MGA: variants seen among roughly 807,000 people sequenced by gnomAD.
MGA encodes the protein MAX dimerization protein MGA.
MGA carries 40 observed loss-of-function variants against 261.1 expected under a neutral mutation model. The ratio of observed to expected loss-of-function variants is 0.15; its 90% CI spans 0.12 to 0.20. MGA has a LOEUF of 0.20. Ranked by LOEUF, MGA falls within the 10% of genes least tolerant of loss-of-function variation. The probability of loss-of-function intolerance (pLI) is 1.00; values close to 1 mark genes in which losing one functional copy is unlikely to be tolerated. For synonymous variants in MGA, 1,302 were observed against 1,290.6 expected (o/e 1.01, Z -0.19); for missense variants, 3,397 against 3,630.5 (o/e 0.94, Z 1.65).
intron 2 of MGA, among the ~76,000 whole-genome samples, chr15:41,694,021 GA>G (rs968431199): frequency 7.9e-5 from 12 of 152,014 alleles, no homozygotes; most frequent in Admixed American, 2.0e-4. Context: ...ATTCTGGGGG[GA>G]AAAAACTGTT....
intron 22 of MGA, 98 bp downstream of exon 22, chr15:41,762,460 G>GTTTTTTTTTTTTTTTTTTTT (rs1491528643): frequency 5.3e-5 from 10 of 190,292 alleles, no homozygotes; most frequent in African/African-American, 3.8e-4. Context: ...AGTTTTGTGT[G>GTTTTTTTTTTTTTTTTTTTT]GTTTTTTTTT....
intron 9 of MGA, chr15:41,718,273 G>A (rs1165728428): frequency 4.5e-6 from 1 of 223,150 alleles, no homozygotes; most frequent in African/African-American, 2.4e-5. Flanking sequence ...CTTGATATAT[G>A]TAGTGTATAT....
At chr15:41,744,086 G>A (rs549581362) in intron 15 of MGA, among the ~76,000 whole-genome samples, 19 of 152,288 alleles carry the variant, frequency 1.2e-4, no homozygotes, top group East Asian at 3.9e-4. Flanking sequence ...TGCATTTAGT[G>A]ATGTGGTCCA....
intron 1 of MGA, among the ~76,000 whole-genome samples, chr15:41,625,044 G>T (rs1444759472): frequency 6.6e-6 from 1 of 152,064 alleles, no homozygotes; most frequent in African/African-American, 2.4e-5. Context: ...TCAGGAGGCT[G>T]AGATGGGAAG....
In MGA at chr15:41,740,194, C is replaced by T. The variant is rs754941833; in HGVS notation, c.4576C>T (p.Arg1526Trp). 78 of 1,613,616 alleles carry T rather than the reference C, an allele frequency of 4.8e-5. No individual in the cohort carries two copies. The highest frequency in any genetic ancestry group is 2.7e-4 in the Admixed American group (16 of 59,976). Reference sequence around the variant, plus strand: ...TCTGAAGGCGTTTGTCCCAGCAAAACGGCCAATTGGTAAGTTGGGGTGTAT... The same window carrying T: ...TCTGAAGGCGTTTGTCCCAGCAAAATGGCCAATTGGTAAGTTGGGGTGTAT... The change falls in exon 14 of 24, where the codon CGG (arginine) becomes TGG (tryptophan). Residue 1526 changes from arginine to tryptophan, a missense_variant. This residue lies in a region of MGA where 1,410 missense variants were observed against 1,386.4 expected (regional missense o/e 1.02). Transcript: ENST00000219905.
rs778053459 is a variant in MGA at position 41,710,725 on chromosome 15, T to C, written c.2460T>C (p.Ser820=). 4 of 1,605,178 alleles carry C rather than the reference T, an allele frequency of 2.5e-6. No homozygotes were observed. In the African/African-American group the frequency reaches 4.0e-5, roughly 16 times the overall value. ...CAGAAAGTTCACTGAAAAATCGTTC[T>C]GCTTTCTGTAGTGATAAGCTAGATG... Residue 820 remains serine, a synonymous_variant, in exon 8 of 24, where the codon TCT becomes TCC. Transcript: ENST00000219905.
intron 2 of MGA, among the ~76,000 whole-genome samples, chr15:41,675,597 C>G (rs193201926): frequency 6.6e-6 from 1 of 152,252 alleles, no homozygotes; most frequent in African/African-American, 2.4e-5. Context: ...AGGCTCGTCT[C>G]AAACTCCTGG....
intron 8 of MGA, among the ~76,000 whole-genome samples, chr15:41,712,513 T>C (rs888922435): frequency 6.6e-6 from 1 of 152,240 alleles, no homozygotes; most frequent in African/African-American, 2.4e-5. Flanking sequence ...CCACTGCGCC[T>C]GGCCTTCATC....
Position 41,749,247 on chromosome 15 carries a change from CA to C in MGA, c.5641del (p.Thr1881LeufsTer20). The C allele has an allele frequency of 6.2e-7, 1 of 1,614,020 alleles. No individual in the cohort carries two copies. Among genetic ancestry groups the C allele is most frequent in the East Asian group, 2.2e-5 (1 of 44,880 alleles). ...GGTCTTCTTCAGCAGTGAATGTTAT[CA>C]CTCAGGCACCATCATTGCTTTCCTC... On this transcript the variant is annotated frameshift_variant, in exon 17 of 24. Coordinates refer to ENST00000219905, the MANE Select transcript of MGA (RefSeq NM_001164273.2). LOFTEE classifies it high-confidence loss of function.
intron 14 of MGA, 53 bp from the exon 15 acceptor site, chr15:41,742,491 AAG>A: frequency 2.5e-5 from 40 of 1,575,944 alleles, no homozygotes; most frequent in Non-Finnish European, 3.4e-5. Flanking sequence ...CACAGTCACT[AAG>A]AGGATAAAAT....
intron 2 of MGA, chr15:41,691,757 A>T (rs2059299424): frequency 3.6e-6 from 1 of 278,222 alleles, no homozygotes; most frequent in Admixed American, 3.8e-5. Context: ...TCTGACTTAC[A>T]TAGTTTCCAT....
chr15:41,698,011 G>T (rs1260907555), intron 3 of MGA, among the ~76,000 whole-genome samples: 1 of 151,730 alleles, frequency 6.6e-6, no homozygotes, highest in Non-Finnish European at 1.5e-5. Context: ...TGGGACTACA[G>T]GTGCTCGCCA....
chr15:41,762,316 G>C lies in MGA; in HGVS notation c.7698G>C (p.Arg2566Ser). 1.2e-6 allele frequency: 2 copies of C among 1,613,860 alleles called. No individual in the cohort carries two copies. Among genetic ancestry groups the C allele is most frequent in the South Asian group, 1.1e-5 (1 of 91,072 alleles). The change falls in exon 22 of 24, where the codon AGG (arginine) becomes AGC (serine). Residue 2566 changes from arginine to serine, a missense_variant. Arg to Ser is a moderately radical substitution (Grantham distance 110). Around this residue, in one of 9 missense-constraint regions of MGA, gnomAD observed 647 missense variants for 642.4 expected, o/e 1.01. Transcript: ENST00000219905. The stretch of plus-strand genomic sequence containing the variant: ...TTGGACAGATGTTTATAAATAACAG[G>C]AGGGGGAAACCTTTGATTCTTTCCA...
rs759847634 is a variant in MGA at position 41,668,992 on chromosome 15, A to G, written c.98A>G (p.Asn33Ser). 6.2e-7 allele frequency: 1 copy of G among 1,613,604 alleles called. No homozygotes were observed. The change falls in exon 2 of 24, where the codon AAT (asparagine) becomes AGT (serine). Residue 33 changes from asparagine (N) to serine (S), a missense_variant. Physicochemically the swap from Asn to Ser is conservative, Grantham distance 46. Transcript: ENST00000219905. ...TTTGTCATCTTAAAGCAGCCAGGAA[A>G]TGGCAAAACTGATCAAGGAATTTTG...
chr15:41,740,248 T>C, intron 14 of MGA, 45 bp downstream of exon 14: 1 of 1,591,808 alleles, frequency 6.3e-7, no homozygotes, highest in African/African-American at 1.3e-5. Flanking sequence ...TATGACTTGG[T>C]GGTGGGACAG....
chr15:41,662,108 A>G (rs1398425185), intron 1 of MGA, among the ~76,000 whole-genome samples: 1 of 152,014 alleles, frequency 6.6e-6, no homozygotes, highest in Non-Finnish European at 1.5e-5. Context: ...GAACAGCGCT[A>G]GTGTTTCTTG....
chr15:41,687,228 G>C (rs2059016730), intron 2 of MGA, among the ~76,000 whole-genome samples: 2 of 151,994 alleles, frequency 1.3e-5, no homozygotes, highest in Non-Finnish European at 2.9e-5. Flanking sequence ...TAAGACCCAT[G>C]GATCATATGT....
intron 1 of MGA, among the ~76,000 whole-genome samples, chr15:41,661,714 A>T (rs1197611079): frequency 6.6e-6 from 1 of 152,200 alleles, no homozygotes; most frequent in African/African-American, 2.4e-5. Flanking sequence ...TATGCGGCTG[A>T]GTCCCTGGTT....
chr15:41,697,532 C>T (rs28556632), intron 3 of MGA, among the ~76,000 whole-genome samples: 83,544 of 151,348 alleles, frequency 0.55, 25,000 homozygotes, highest in Middle Eastern at 0.72. Flanking sequence ...TTCTCGTGCC[C>T]CAGCCTCACG....
Sources: allele counts gnomAD v4.1 joint callset (sites outside exome capture counted in the v4.1 genomes callset), GRCh38; gene constraint gnomAD v4.1.1; regional missense constraint gnomAD v4.1.1; transcripts MANE v1.5; gene names NCBI Gene and HGNC (gene_info 2026-07-23, HGNC 2026-07-21).